MYO1D: variants seen among roughly 807,000 people sequenced by gnomAD.
MYO1D encodes the protein myosin ID.
MYO1D carries 83 observed loss-of-function variants against 122.0 expected under a neutral mutation model. That is an observed-to-expected ratio of 0.68 (90% CI 0.57 to 0.82). MYO1D has a LOEUF of 0.82. MYO1D is among the 40% of genes least tolerant of loss of function. The probability of loss-of-function intolerance (pLI) is 0.00; values close to 1 mark genes in which losing one functional copy is unlikely to be tolerated. For synonymous variants in MYO1D, 464 were observed against 446.9 expected (o/e 1.04, Z -0.48); for missense variants, 1,157 against 1,269.5 (o/e 0.91, Z 1.35).
chr17:32,698,039 AC>A (rs1461141906), intron 16 of MYO1D, among the ~76,000 whole-genome samples: 6 of 152,198 alleles, frequency 3.9e-5, no homozygotes, highest in African/African-American at 1.2e-4. Context: ...TCTGGTGTTT[AC>A]CGTGTGTGAC....
intron 1 of MYO1D, among the ~76,000 whole-genome samples, chr17:32,805,704 G>A (rs1270574017): frequency 6.6e-6 from 1 of 152,070 alleles, no homozygotes; most frequent in Non-Finnish European, 1.5e-5. Context: ...AAAAGCTGAT[G>A]TTTACAGGAT....
intron 21 of MYO1D, among the ~76,000 whole-genome samples, chr17:32,561,226 T>G (rs2150890324): frequency 6.6e-6 from 1 of 152,256 alleles, no homozygotes; most frequent in South Asian, 2.1e-4. Flanking sequence ...GGTGAATCTT[T>G]CAAAGAGAGG....
At chr17:32,771,058 A>G (rs2090107699) in intron 6 of MYO1D, 67 bp downstream of exon 6, 1 of 1,230,872 alleles carries the variant, frequency 8.1e-7, no homozygotes, top group Non-Finnish European at 1.2e-6. Flanking sequence ...CCAGATAATT[A>G]TTGAATGTCT....
intron 12 of MYO1D, 63 bp from the exon 13 acceptor site, chr17:32,745,348 T>C: frequency 9.6e-7 from 1 of 1,040,120 alleles, no homozygotes; most frequent in Non-Finnish European, 1.4e-6. Flanking sequence ...ATTTAAGTTT[T>C]TCCAGGAGGC....
intron 16 of MYO1D, among the ~76,000 whole-genome samples, chr17:32,698,958 T>A (rs749187200): frequency 6.6e-6 from 1 of 152,020 alleles, no homozygotes; most frequent in Non-Finnish European, 1.5e-5. Flanking sequence ...ATAAGCCACA[T>A]TTATTTTATT....
chr17:32,851,682 G>A (rs2090990779), intron 1 of MYO1D, among the ~76,000 whole-genome samples: 1 of 152,174 alleles, frequency 6.6e-6, no homozygotes, highest in African/African-American at 2.4e-5. Context: ...CCAGGGGGGT[G>A]GTTTCAGGGT....
chr17:32,745,970 T>C (rs77436272), intron 12 of MYO1D, among the ~76,000 whole-genome samples: 2,154 of 152,232 alleles, frequency 0.014, 42 homozygotes, highest in African/African-American at 0.049. Context: ...ATAAAAGTAA[T>C]TGACAACTCT....
chr17:32,792,613 T>C (rs572630398), intron 1 of MYO1D: 2 of 152,206 alleles, frequency 1.3e-5, no homozygotes, highest in African/African-American at 4.8e-5. Flanking sequence ...AGGGACCATA[T>C]GTTGGAAAGA....
chr17:32,590,015 G>A (rs2087424297), intron 21 of MYO1D, among the ~76,000 whole-genome samples: 1 of 152,162 alleles, frequency 6.6e-6, no homozygotes, highest in Admixed American at 6.5e-5. Flanking sequence ...TCCCTTAAGT[G>A]AAAAATTATT....
rs2088425255 is a variant in MYO1D at position 32,653,402 on chromosome 17, T to C, written c.2595+441A>G. 2.0e-5 allele frequency among the ~76,000 whole-genome samples: 3 copies of C among 150,666 alleles called. No individual in the cohort carries two copies. The South Asian group carries it at 6.3e-4, about 31-fold the overall frequency. On this transcript the variant is annotated intron_variant, in intron 19 of 21. Transcript: ENST00000318217. ...CAGGTGAATCACCTGAGATCAGGAG[T>C]TCGAGACCAGCCTGACCAACATGGT...
intron 16 of MYO1D, among the ~76,000 whole-genome samples, chr17:32,709,389 T>A (rs891203516): frequency 3.3e-5 from 5 of 151,970 alleles, no homozygotes; most frequent in Non-Finnish European, 7.4e-5. Flanking sequence ...GGCAGAGGAA[T>A]CTACCAAAAA....
intron 11 of MYO1D, 66 bp from the exon 12 acceptor site, chr17:32,749,072 G>A: frequency 1.5e-6 from 2 of 1,349,208 alleles, no homozygotes; most frequent in Non-Finnish European, 1.1e-6. Flanking sequence ...ATATATTCCA[G>A]CTTAATATGA....
chr17:32,520,126 C>T (rs1263257670), intron 21 of MYO1D, among the ~76,000 whole-genome samples: 1 of 152,090 alleles, frequency 6.6e-6, no homozygotes, highest in African/African-American at 2.4e-5. Context: ...TTATTCAAAG[C>T]CCAAACTCAT....
At chr17:32,876,326 G>T (rs2091229660) in intron 1 of MYO1D, among the ~76,000 whole-genome samples, 2 of 152,258 alleles carry the variant, frequency 1.3e-5, no homozygotes, top group South Asian at 4.1e-4. Flanking sequence ...TGTAAAGCCG[G>T]GATGAGACGC....
chr17:32,714,440 T>C (rs565376303), intron 15 of MYO1D, among the ~76,000 whole-genome samples: 128 of 152,344 alleles, frequency 8.4e-4, no homozygotes, highest in African/African-American at 3.0e-3. Flanking sequence ...ATGGTGTGTA[T>C]GTACCACATT....
chr17:32,855,530 A>G lies in MYO1D; in HGVS notation c.95+21248T>C, dbSNP rs146144847. On this transcript the variant is annotated intron_variant, in intron 1 of 21. Transcript: ENST00000318217. ...AATTCATTCACCTTTGTTGTCATCT[A>G]GCATTCTATTGTATGAATACAATTT... is the stretch of plus-strand genomic sequence containing the variant. Among the ~76,000 whole-genome samples, 22 of 152,326 alleles carry G rather than the reference A, an allele frequency of 1.4e-4. 1 individual carries two copies. In the East Asian group the frequency reaches 3.5e-3, roughly 24 times the overall value.
chr17:32,704,003 C>T (rs953810331), intron 16 of MYO1D, among the ~76,000 whole-genome samples: 4 of 152,178 alleles, frequency 2.6e-5, no homozygotes, highest in African/African-American at 7.2e-5. Context: ...TCTCATAATA[C>T]GCTAAATCAC....
chr17:32,779,911 G>A (rs1441719911), intron 2 of MYO1D, among the ~76,000 whole-genome samples: 1 of 152,158 alleles, frequency 6.6e-6, no homozygotes, highest in Non-Finnish European at 1.5e-5. Flanking sequence ...CAAATGTGAG[G>A]TATTATTAGC....
intron 16 of MYO1D, among the ~76,000 whole-genome samples, chr17:32,660,061 C>T (rs1387672961): frequency 2.0e-5 from 3 of 152,060 alleles, no homozygotes; most frequent in South Asian, 2.1e-4. Context: ...AAATTTGGTG[C>T]GATCTTCAAT....
Sources: gnomAD v4.1 joint callset for allele counts (sites outside exome capture counted in the v4.1 genomes callset) on GRCh38, gnomAD v4.1.1 for gene constraint, MANE v1.5 for transcripts, NCBI Gene and HGNC (gene_info 2026-07-23, HGNC 2026-07-21) for gene names.